The following AKT3 variants were observed in gnomAD, a reference collection of about 807,000 sequenced individuals.
AKT3 encodes the protein AKT serine/threonine kinase 3, also known as RAC-gamma serine/threonine-protein kinase.
In AKT3, 15 loss-of-function variants were observed where a neutral mutation model predicts 65.3. The ratio of observed to expected loss-of-function variants is 0.23; its 90% confidence interval spans 0.15 to 0.35. AKT3 has a LOEUF of 0.35. Ranked by LOEUF, AKT3 falls within the 10% of genes least tolerant of loss-of-function variation. The probability of loss-of-function intolerance (pLI) is 1.00; values close to 1 mark genes in which losing one functional copy is unlikely to be tolerated. For missense variants in AKT3, 243 were observed against 576.5 expected (o/e 0.42, Z 5.92); for synonymous variants, 206 against 183.8 (o/e 1.12, Z -0.98).
chr1:243,651,709 T>C lies in AKT3; in HGVS notation c.285-5672A>G, dbSNP rs534696078. Among the ~76,000 whole-genome samples, 58 of 152,318 alleles carry C rather than the reference T, an allele frequency of 3.8e-4. 1 individual carries two copies. Among genetic ancestry groups the C allele is most frequent in the African/African-American group, 1.3e-3 (54 of 41,568 alleles). On this transcript the variant is annotated intron_variant, in intron 4 of 13. Transcript: ENST00000673466. ...GATGGATTACGTTTATTGATTTGTG[T>C]ATGTTGCACCAGCCTTGCATCCCAG...
At chr1:243,773,843 C>G (rs904244687) in intron 2 of AKT3, among the ~76,000 whole-genome samples, 1 of 152,168 alleles carries the variant, frequency 6.6e-6, no homozygotes, top group Non-Finnish European at 1.5e-5. Context: ...CCCTAACAGA[C>G]GTCAATGTTT....
At chr1:243,652,771 C>CAAAAAAAAAAAAAAAA (rs371580711) in intron 4 of AKT3, among the ~76,000 whole-genome samples, 30 of 31,230 alleles carry the variant, frequency 9.6e-4, no homozygotes, top group Middle Eastern at 0.045. Context: ...AAATAGAAAG[C>CAAAAAAAAAAAAAAAA]AAAAAAAAAA....
chr1:243,603,971 C>T (rs561636821), intron 8 of AKT3, among the ~76,000 whole-genome samples: 28 of 150,314 alleles, frequency 1.9e-4, no homozygotes, highest in African/African-American at 6.6e-4. Flanking sequence ...TCTAGGCTCA[C>T]TGCAATCTCC....
downstream of AKT3, among the ~76,000 whole-genome samples, chr1:243,495,161 C>T (rs552385060): frequency 2.9e-4 from 44 of 152,346 alleles, no homozygotes; most frequent in South Asian, 7.9e-3. Context: ...GGCTTGGGTG[C>T]GCCCTGGGGA....
chr1:243,539,442 G>C (rs1356354174), intron 12 of AKT3, among the ~76,000 whole-genome samples: 2 of 152,188 alleles, frequency 1.3e-5, no homozygotes, highest in East Asian at 3.9e-4. Context: ...TTCGTCAACA[G>C]TGGGCTACTA....
intron 6 of AKT3, among the ~76,000 whole-genome samples, chr1:243,636,584 T>A (rs1679988211): frequency 6.6e-6 from 1 of 152,110 alleles, no homozygotes; most frequent in Non-Finnish European, 1.5e-5. Context: ...TCTGATTGGT[T>A]GCCCAACACA....
chr1:243,651,246 A>G (rs320337), intron 4 of AKT3, among the ~76,000 whole-genome samples: 46,769 of 152,008 alleles, frequency 0.31, 9,297 homozygotes, highest in African/African-American at 0.56. Context: ...TTGATTTTGT[A>G]TCCTGAGACT....
chr1:243,715,964 C>G (rs959208), intron 2 of AKT3, among the ~76,000 whole-genome samples: 107,079 of 151,986 alleles, frequency 0.7, 38,067 homozygotes, highest in Middle Eastern at 0.76. Flanking sequence ...TGTTGTTACA[C>G]CATTTGATCA....
At chr1:243,549,669 C>G (rs978536239) in intron 11 of AKT3, among the ~76,000 whole-genome samples, 16 of 152,064 alleles carry the variant, frequency 1.1e-4, no homozygotes, top group African/African-American at 3.4e-4. Flanking sequence ...AAGTGACCTT[C>G]TTGCCTCGGC....
chr1:243,794,510 A>G (rs763639306), intron 2 of AKT3: 2 of 152,236 alleles, frequency 1.3e-5, no homozygotes, highest in Admixed American at 1.3e-4. Context: ...TACAAACAAA[A>G]TTTGGAACAT....
At position 243,561,652 on chromosome 1, in the gene AKT3, T is replaced by C. The variant is rs139098842; in HGVS notation, c.948+2068A>G. Among the ~76,000 whole-genome samples, 288 of 152,282 alleles carry C rather than the reference T, an allele frequency of 1.9e-3. 2 individuals carry two copies. The highest frequency in any genetic ancestry group is 6.8e-3 in the African/African-American group (281 of 41,574). ...ACATAGTAGATGCTCATTAAATAGT[T>C]ACCCTCACACATCAAATATTAACAC... On this transcript the variant is annotated intron_variant, in intron 10 of 13. Coordinates refer to ENST00000673466, the MANE Select transcript of AKT3 (RefSeq NM_005465.7).
intron 2 of AKT3, among the ~76,000 whole-genome samples, chr1:243,808,646 C>T (rs1484135281): frequency 4.6e-5 from 7 of 152,202 alleles, no homozygotes; most frequent in Non-Finnish European, 4.4e-5. Flanking sequence ...TCCAGCAAGG[C>T]AGGCCAACAT....
chr1:243,513,979 A>G lies in AKT3; in HGVS notation c.1252-1553T>C, dbSNP rs1054947406. 2.0e-5 allele frequency among the ~76,000 whole-genome samples: 3 copies of G among 152,078 alleles called. 1 individual carries two copies. Among genetic ancestry groups the G allele is most frequent in the Admixed American group, 2.0e-4 (3 of 15,266 alleles). ...CATATCACATGCACACGCACAGGGA[A>G]CCCCAGAGGTGACAGAGGCTGGAAC... On this transcript the variant is annotated intron_variant, in intron 12 of 13. Transcript: ENST00000673466.
intron 2 of AKT3, among the ~76,000 whole-genome samples, chr1:243,787,579 C>T (rs759493614): frequency 2.0e-5 from 3 of 152,172 alleles, no homozygotes; most frequent in Non-Finnish European, 2.9e-5. Context: ...AAGCAGTAAA[C>T]AATAATTACT....
upstream of AKT3, among the ~76,000 whole-genome samples, chr1:243,850,732 T>A (rs1695749069): frequency 1.4e-5 from 2 of 147,382 alleles, no homozygotes; most frequent in Admixed American, 6.7e-5. Context: ...TGCCCGGCCC[T>A]CGTCCTCAGG....
intron 8 of AKT3, among the ~76,000 whole-genome samples, chr1:243,576,077 C>A (rs1674920195): frequency 6.6e-6 from 1 of 151,910 alleles, no homozygotes; most frequent in South Asian, 2.1e-4. Context: ...TAATTTGGAT[C>A]CACATATGCA....
chr1:243,789,120 G>A (rs1691455877), intron 2 of AKT3, among the ~76,000 whole-genome samples: 2 of 152,214 alleles, frequency 1.3e-5, no homozygotes, highest in Admixed American at 1.3e-4. Flanking sequence ...GCTCACACCT[G>A]TATTCCCAGC....
At chr1:243,515,878 T>C (rs1483586328) in intron 12 of AKT3, among the ~76,000 whole-genome samples, 1 of 151,692 alleles carries the variant, frequency 6.6e-6, no homozygotes, top group Non-Finnish European at 1.5e-5. Flanking sequence ...TAGTCCCAGC[T>C]ACTCGGGAGA....
intron 12 of AKT3, among the ~76,000 whole-genome samples, chr1:243,539,187 C>T (rs531570486): frequency 2.4e-4 from 37 of 152,188 alleles, no homozygotes; most frequent in Admixed American, 2.0e-3. Flanking sequence ...GCATCTGCCA[C>T]CTCTTGAGAC....
Sources: allele counts gnomAD v4.1 joint callset (sites outside exome capture counted in the v4.1 genomes callset), GRCh38; gene constraint gnomAD v4.1.1; transcripts MANE v1.5; gene names NCBI Gene and HGNC (gene_info 2026-07-23, HGNC 2026-07-21).